Variants in SNX29 observed in about 807,000 individuals in gnomAD.
The protein encoded by SNX29 is sorting nexin 29.
In SNX29, 78 loss-of-function variants were observed where a neutral mutation model predicts 102.1. The ratio of observed to expected loss-of-function variants is 0.76; its 90% CI spans 0.64 to 0.92. SNX29 has a LOEUF of 0.92. SNX29 is among the 40% of genes least tolerant of loss of function. SNX29 has a pLI of 0.00. For missense variants in SNX29, 1,280 were observed against 1,061.7 expected (o/e 1.21, Z -2.86); for synonymous variants, 580 against 414.5 (o/e 1.40, Z -4.85).
At chr16:12,210,057 C>T (rs1211351845) in intron 14 of SNX29, among the ~76,000 whole-genome samples, 1 of 152,188 alleles carries the variant, frequency 6.6e-6, no homozygotes, top group Admixed American at 6.5e-5. Context: ...TCCCCCTTTC[C>T]TGGTAATCTG....
chr16:12,327,548 G>C (rs977529086), intron 15 of SNX29, among the ~76,000 whole-genome samples: 2 of 152,142 alleles, frequency 1.3e-5, no homozygotes, highest in African/African-American at 4.8e-5. Flanking sequence ...TAACAGTCGT[G>C]TTGGGTTAGG....
chr16:12,043,119 G>A, intron 5 of SNX29, 42 bp downstream of exon 5: 1 of 1,605,848 alleles, frequency 6.2e-7, no homozygotes, highest in Non-Finnish European at 8.5e-7. Context: ...TGGAGCAAGA[G>A]GTGAAGATCT....
In SNX29 at chr16:12,570,666, G is replaced by C. The variant is rs909324332; in HGVS notation, c.*2037G>C. ...ATCTGTGACATTCCCTTGGGCCCAG[G>C]CTTATGACCTGCACCTTTTCTGACA... On this transcript the variant is annotated 3_prime_UTR_variant, in exon 21 of 21. Transcript: ENST00000566228. The C allele has an allele frequency of 1.3e-5, 3 of 232,034 alleles. No homozygotes were observed. The East Asian group carries it at 1.8e-4, about 14-fold the overall frequency. 14.4% of individuals were successfully genotyped at this position (232,034 alleles called of 1,614,324 possible).
intron 13 of SNX29, among the ~76,000 whole-genome samples, chr16:12,142,752 G>C (rs980648760): frequency 1.3e-5 from 2 of 151,838 alleles, no homozygotes; most frequent in African/African-American, 2.4e-5. Flanking sequence ...TTTTAGTAGA[G>C]ACGGGGTTTC....
intron 18 of SNX29, among the ~76,000 whole-genome samples, chr16:12,410,966 C>T (rs920412614): frequency 6.6e-6 from 1 of 152,086 alleles, no homozygotes; most frequent in Non-Finnish European, 1.5e-5. Flanking sequence ...TCTCTTTTAC[C>T]CACAGCTCTG....
chr16:12,554,320 T>C (rs1313786299), intron 20 of SNX29, among the ~76,000 whole-genome samples: 2 of 152,230 alleles, frequency 1.3e-5, no homozygotes, highest in East Asian at 1.9e-4. Context: ...TTAACTAAAA[T>C]GGGACCAGAT....
intron 20 of SNX29, among the ~76,000 whole-genome samples, chr16:12,549,508 T>C (rs1251857742): frequency 6.7e-6 from 1 of 150,266 alleles, no homozygotes; most frequent in African/African-American, 2.5e-5. Flanking sequence ...AAGATGTTCA[T>C]GCCATTTTTC....
At chr16:12,364,549 C>T (rs760776157) in intron 16 of SNX29, among the ~76,000 whole-genome samples, 8 of 151,830 alleles carry the variant, frequency 5.3e-5, no homozygotes, top group Admixed American at 1.3e-4. Flanking sequence ...GAAGAGCTCC[C>T]GGTTTGAGTA....
chr16:12,192,751 G>T (rs1339293434), intron 13 of SNX29, among the ~76,000 whole-genome samples: 1 of 152,146 alleles, frequency 6.6e-6, no homozygotes, highest in Non-Finnish European at 1.5e-5. Context: ...CACCCAGGCT[G>T]GAGTTCAATG....
At chr16:11,986,866 A>G (rs371008817) in intron 1 of SNX29, among the ~76,000 whole-genome samples, 7 of 152,204 alleles carry the variant, frequency 4.6e-5, no homozygotes, top group Admixed American at 1.3e-4. Flanking sequence ...CTGTGTTCCA[A>G]TAAAACTTTA....
intron 18 of SNX29, among the ~76,000 whole-genome samples, chr16:12,412,812 TTTAC>T (rs1221929479): frequency 6.6e-6 from 1 of 152,218 alleles, no homozygotes; most frequent in Non-Finnish European, 1.5e-5. Context: ...AATTTTTATA[TTTAC>T]TTTTTATATG....
At chr16:12,044,305 A>C (rs1051084076) in intron 5 of SNX29, among the ~76,000 whole-genome samples, 3 of 151,974 alleles carry the variant, frequency 2.0e-5, no homozygotes, top group Admixed American at 6.6e-5. Context: ...TGCTTTATCT[A>C]CTGCTGTGGT....
chr16:12,533,275 G>T (rs373011532), intron 20 of SNX29, among the ~76,000 whole-genome samples: 1 of 152,222 alleles, frequency 6.6e-6, no homozygotes, highest in Non-Finnish European at 1.5e-5. Flanking sequence ...TGCAGAATCC[G>T]TAGCAGCTTC....
At chr16:12,085,189 C>G (rs1179025280) in intron 11 of SNX29, among the ~76,000 whole-genome samples, 1 of 152,194 alleles carries the variant, frequency 6.6e-6, no homozygotes, top group Admixed American at 6.5e-5. Flanking sequence ...TCTGCCTCCT[C>G]TTCTGTCAGC....
chr16:12,438,339 G>A (rs2085633333), intron 18 of SNX29, among the ~76,000 whole-genome samples: 1 of 152,120 alleles, frequency 6.6e-6, no homozygotes, highest in Non-Finnish European at 1.5e-5. Context: ...GCTGGGTTCA[G>A]CGCTCTCCCC....
At chr16:12,209,379 G>A (rs1433289239) in intron 14 of SNX29, among the ~76,000 whole-genome samples, 1 of 152,040 alleles carries the variant, frequency 6.6e-6, no homozygotes, top group Non-Finnish European at 1.5e-5. Context: ...TAGTAGAGAC[G>A]GGGTTTTGCC....
At chr16:12,340,418 G>C (rs1158316186) in intron 15 of SNX29, among the ~76,000 whole-genome samples, 2 of 152,206 alleles carry the variant, frequency 1.3e-5, no homozygotes, top group Non-Finnish European at 2.9e-5. Flanking sequence ...GGAGGAAGGA[G>C]CTTTTATCTG....
intron 18 of SNX29, among the ~76,000 whole-genome samples, chr16:12,412,140 C>G (rs2084421372): frequency 6.6e-6 from 1 of 152,206 alleles, no homozygotes; most frequent in Non-Finnish European, 1.5e-5. Flanking sequence ...GAGAGCCGGC[C>G]ATCGGGTAGG....
At chr16:12,553,808 G>A (rs139447900) in intron 20 of SNX29, among the ~76,000 whole-genome samples, 98 of 151,950 alleles carry the variant, frequency 6.4e-4, no homozygotes, top group African/African-American at 2.1e-3. Flanking sequence ...GGCTAGTCTC[G>A]AACTCCTGAC....
Sources: allele counts gnomAD v4.1 joint callset (sites outside exome capture counted in the v4.1 genomes callset), GRCh38; gene constraint gnomAD v4.1.1; transcripts MANE v1.5; gene names NCBI Gene and HGNC (gene_info 2026-07-23, HGNC 2026-07-21).